FBXW4: variants seen among roughly 807,000 people sequenced by gnomAD.
The protein encoded by FBXW4 is F-box and WD repeat domain containing 4, also known as F-box/WD repeat-containing protein 4.
FBXW4 carries 40 observed loss-of-function variants against 61.8 expected under a neutral mutation model. That is an observed-to-expected ratio of 0.65 (90% confidence interval 0.50 to 0.84). The LOEUF is 0.84. Among genes scored for constraint, FBXW4 ranks in the 40% least tolerant of loss-of-function variants. FBXW4 has a pLI of 0.00. For synonymous variants in FBXW4, 311 were observed against 313.8 expected, an observed-to-expected ratio of 0.99 and a Z score of 0.10; for missense variants, 672 against 753.8, an observed-to-expected ratio of 0.89 and a Z score of 1.27.
At position 101,673,483 on chromosome 10, in the gene FBXW4, C is replaced by T; in HGVS notation, c.1007+5G>A. 5 of 1,613,954 alleles carry T rather than the reference C, an allele frequency of 3.1e-6. No individual in the cohort carries two copies. Among genetic ancestry groups the T allele is most frequent in the Non-Finnish European group, 4.2e-6 (5 of 1,179,842 alleles). ...AGGGTGGAAGGAGAAACCTATAGCA[C>T]TTACCCTCCTGCACTAACAATATGC... On this transcript the variant is annotated splice_donor_5th_base_variant and intron_variant, in intron 3 of 8. Transcript: ENST00000331272.
At chr10:101,621,405 A>G (rs559429568) in intron 6 of FBXW4, among the ~76,000 whole-genome samples, 3 of 152,240 alleles carry the variant, frequency 2.0e-5, no homozygotes, top group East Asian at 1.9e-4. Flanking sequence ...GGGCATGTCT[A>G]TAGTCCTAAC....
chr10:101,624,839 A>T, intron 5 of FBXW4, 29 bp from the exon 6 acceptor site: 1 of 1,613,630 alleles, frequency 6.2e-7, no homozygotes, highest in Non-Finnish European at 8.5e-7. Context: ...ACAAAGTCAG[A>T]TCTGGCTTGT....
chr10:101,619,613 A>C (rs1248084183), intron 6 of FBXW4, among the ~76,000 whole-genome samples: 1 of 151,548 alleles, frequency 6.6e-6, no homozygotes, highest in Non-Finnish European at 1.5e-5. Flanking sequence ...GAGCCGAGAT[A>C]GCACCACTGT....
At position 101,631,816 on chromosome 10, in the gene FBXW4, A is replaced by G. The variant is rs1164347777; in HGVS notation, c.1236-7006T>C. Among the ~76,000 whole-genome samples the G allele has an allele frequency of 3.9e-5, 6 of 152,024 alleles. No homozygotes were observed. In the East Asian group the frequency reaches 9.7e-4, roughly 24 times the overall value. On this transcript the variant is annotated intron_variant, in intron 5 of 8. Coordinates refer to ENST00000331272, the MANE Select transcript of FBXW4 (RefSeq NM_022039.4). ...CTAATTTTTTGTATTTTTAGTAGAGATGGGGTTTCGCCGTGTTAGCCAGGA... is the reference window on the plus strand; with the variant it reads ...CTAATTTTTTGTATTTTTAGTAGAGGTGGGGTTTCGCCGTGTTAGCCAGGA...
chr10:101,631,069 T>A (rs76485911), intron 5 of FBXW4, among the ~76,000 whole-genome samples: 6 of 152,202 alleles, frequency 3.9e-5, no homozygotes, highest in African/African-American at 1.4e-4. Context: ...TTTTTTTTTT[T>A]ATCAAACTAA....
chr10:101,675,012 C>CT (rs1481795696), intron 2 of FBXW4, among the ~76,000 whole-genome samples: 1 of 152,192 alleles, frequency 6.6e-6, no homozygotes, highest in Non-Finnish European at 1.5e-5. Flanking sequence ...CCAAGCCTGT[C>CT]TGAGTAAACT....
At chr10:101,633,722 G>A (rs1244410113) in intron 5 of FBXW4, among the ~76,000 whole-genome samples, 1 of 152,032 alleles carries the variant, frequency 6.6e-6, no homozygotes, top group Non-Finnish European at 1.5e-5. Context: ...ATAACCAAGT[G>A]TTATTATATA....
intron 5 of FBXW4, among the ~76,000 whole-genome samples, chr10:101,647,256 C>A (rs1204994675): frequency 6.6e-6 from 1 of 152,150 alleles, no homozygotes; most frequent in Non-Finnish European, 1.5e-5. Flanking sequence ...GATCTCTCAC[C>A]CACAGGTCGT....
At chr10:101,652,823 C>T (rs1435803282) in intron 5 of FBXW4, among the ~76,000 whole-genome samples, 1 of 152,226 alleles carries the variant, frequency 6.6e-6, no homozygotes, top group Admixed American at 6.5e-5. Flanking sequence ...CCACCATCTA[C>T]TCTGGCTGGC....
intron 5 of FBXW4, among the ~76,000 whole-genome samples, chr10:101,633,448 G>C (rs910664848): frequency 7.9e-5 from 12 of 152,152 alleles, no homozygotes; most frequent in South Asian, 4.1e-4. Context: ...GGCCTGTTAG[G>C]GGGTAGTGGG....
chr10:101,681,017 T>G (rs1448135783), intron 1 of FBXW4, among the ~76,000 whole-genome samples: 1 of 152,172 alleles, frequency 6.6e-6, no homozygotes, highest in East Asian at 1.9e-4. Flanking sequence ...CTATAGCAAG[T>G]AATGGTATTT....
rs149060278 is a variant in FBXW4 at position 101,668,046 on chromosome 10, C to T, written c.1141-66G>A. The T allele has an allele frequency of 1.4e-4, 177 of 1,229,904 alleles. 2 individuals carry two copies. In the East Asian group the frequency reaches 2.5e-3, roughly 17 times the overall value. 76.2% of individuals were successfully genotyped at this position (1,229,904 alleles called of 1,614,324 possible). On this transcript the variant is annotated intron_variant, in intron 4 of 8. Transcript: ENST00000331272. ...GGATCAGTGGGGAGGAGAGGTGCTC[C>T]GGGAGAGGTGACTGTTGGAGGTGGA...
At chr10:101,631,714 G>A (rs1022527926) in intron 5 of FBXW4, among the ~76,000 whole-genome samples, 14 of 150,604 alleles carry the variant, frequency 9.3e-5, no homozygotes, top group Non-Finnish European at 1.8e-4. Context: ...TGCAACTTCC[G>A]TCTCCCAGGT....
intron 5 of FBXW4, among the ~76,000 whole-genome samples, chr10:101,654,482 T>C (rs1257538058): frequency 6.6e-6 from 1 of 152,166 alleles, no homozygotes; most frequent in African/African-American, 2.4e-5. Context: ...AAAGGGAGTA[T>C]TCTCTCCATA....
Position 101,611,119 on chromosome 10 carries a change from G to T in FBXW4, c.*172C>A. The T allele has an allele frequency of 1.3e-6, 1 of 784,392 alleles. No individual in the cohort carries two copies. The allele number at this position is 784,392 out of a possible 1,614,324, so 48.6% of individuals were successfully genotyped here. On this transcript the variant is annotated 3_prime_UTR_variant, in exon 9 of 9. Transcript: ENST00000331272. The surrounding 1 kb of genome is among the most constrained non-coding windows in gnomAD (Gnocchi z 4.9). ...CTGGGAGGGACTGCATCTCTGGTAA[G>T]CTCCAAAGTCCCAGGAGTCAGAAGC... is the stretch of plus-strand genomic sequence containing the variant.
chr10:101,638,923 C>T lies in FBXW4; in HGVS notation c.1236-14113G>A, dbSNP rs1229256066. On this transcript the variant is annotated intron_variant, in intron 5 of 8. Transcript: ENST00000331272. ...TAACCACTCTGTTTGTAAAGAGATG[C>T]TATGCGTCATGAATTATACACAGTA... 2.0e-5 allele frequency among the ~76,000 whole-genome samples: 3 copies of T among 152,272 alleles called. No individual in the cohort carries two copies. The East Asian group carries it at 5.8e-4, about 29-fold the overall frequency.
chr10:101,637,243 T>A (rs1589752022), intron 5 of FBXW4, among the ~76,000 whole-genome samples: 1 of 139,710 alleles, frequency 7.2e-6, no homozygotes, highest in Non-Finnish European at 1.5e-5. Flanking sequence ...AAAAAAAAAA[T>A]TAGCTGGGCG....
chr10:101,678,947 G>T (rs929216304), intron 1 of FBXW4, among the ~76,000 whole-genome samples: 36 of 152,144 alleles, frequency 2.4e-4, no homozygotes, highest in African/African-American at 8.4e-4. Context: ...AATTATTTTT[G>T]GTTAATAAAG....
At chr10:101,613,492 T>G (rs2063803946) in intron 6 of FBXW4, among the ~76,000 whole-genome samples, 1 of 152,210 alleles carries the variant, frequency 6.6e-6, no homozygotes, top group Admixed American at 6.5e-5. Context: ...CCGTGGACAC[T>G]TCACAGGGAT....
Sources: gnomAD v4.1 joint callset for allele counts (sites outside exome capture counted in the v4.1 genomes callset) on GRCh38, gnomAD v4.1.1 for gene constraint, Gnocchi (gnomAD v3.1) non-coding constraint, MANE v1.5 for transcripts, NCBI Gene and HGNC (gene_info 2026-07-23, HGNC 2026-07-21) for gene names.